CTNNA3: variants seen among roughly 807,000 people sequenced by gnomAD.
The protein encoded by CTNNA3 is catenin alpha 3.
CTNNA3 carries 76 observed loss-of-function variants against 95.7 expected under a neutral mutation model. The observed-to-expected ratio is 0.79, with a 90% CI of 0.66 to 0.96. The LOEUF (loss-of-function observed/expected upper bound fraction) is 0.96. Among genes scored for constraint, CTNNA3 ranks in the 40% least tolerant of loss-of-function variants. The pLI, the probability that CTNNA3 is intolerant of heterozygous loss-of-function variation, is 0.00. For missense variants in CTNNA3, 1,191 were observed against 1,089.8 expected (o/e 1.09, Z -1.31); for synonymous variants, 431 against 374.4 (o/e 1.15, Z -1.74).
intron 6 of CTNNA3, among the ~76,000 whole-genome samples, chr10:67,219,186 T>C (rs938503731): frequency 1.3e-5 from 2 of 152,214 alleles, no homozygotes; most frequent in African/African-American, 4.8e-5. Flanking sequence ...TTCTCTACAG[T>C]GTTTATTGGT....
intron 15 of CTNNA3, among the ~76,000 whole-genome samples, chr10:66,032,838 A>AT (rs1160430760): frequency 6.6e-6 from 1 of 152,160 alleles, no homozygotes; most frequent in African/African-American, 2.4e-5. Flanking sequence ...CATGTATATT[A>AT]TTTTTCTTCA....
At chr10:65,922,896 A>T (rs962608242) in intron 17 of CTNNA3, among the ~76,000 whole-genome samples, 2 of 152,192 alleles carry the variant, frequency 1.3e-5, no homozygotes, top group African/African-American at 4.8e-5. Context: ...TCATGGCAGA[A>T]GGGGAAGCAG....
intron 5 of CTNNA3, among the ~76,000 whole-genome samples, chr10:67,341,193 T>A (rs552289639): frequency 7.9e-5 from 12 of 152,362 alleles, no homozygotes; most frequent in Admixed American, 3.9e-4. Flanking sequence ...TGTGTTACAA[T>A]CAAATTACAC....
At chr10:67,210,953 T>C (rs1296963483) in intron 6 of CTNNA3, among the ~76,000 whole-genome samples, 1 of 152,128 alleles carries the variant, frequency 6.6e-6, no homozygotes, top group Non-Finnish European at 1.5e-5. Context: ...CTAAACATCA[T>C]CAAGGAATCG....
At chr10:66,196,189 A>C (rs1159047122) in intron 13 of CTNNA3, among the ~76,000 whole-genome samples, 1 of 152,224 alleles carries the variant, frequency 6.6e-6, no homozygotes, top group Non-Finnish European at 1.5e-5. Flanking sequence ...GTTTAAGAGA[A>C]TATAAAGCAA....
chr10:67,098,884 T>A (rs1858167312), intron 7 of CTNNA3: 1 of 151,838 alleles, frequency 6.6e-6, no homozygotes, highest in Admixed American at 6.6e-5. Context: ...TAAGACAACT[T>A]TTTATTTAGA....
intron 5 of CTNNA3, among the ~76,000 whole-genome samples, chr10:67,513,332 GAA>G (rs1425791435): frequency 6.6e-6 from 1 of 152,224 alleles, no homozygotes; most frequent in Non-Finnish European, 1.5e-5. Flanking sequence ...GGACTTCACT[GAA>G]AAGTCAATTG....
At chr10:65,949,711 G>A (rs2077578467) in intron 17 of CTNNA3, among the ~76,000 whole-genome samples, 1 of 152,192 alleles carries the variant, frequency 6.6e-6, no homozygotes, top group Non-Finnish European at 1.5e-5. Context: ...AGGAGCCTGA[G>A]CTTTATATCC....
intron 9 of CTNNA3, among the ~76,000 whole-genome samples, chr10:66,755,552 C>T (rs1839330936): frequency 1.3e-5 from 2 of 151,930 alleles, no homozygotes; most frequent in South Asian, 4.1e-4. Context: ...AAATGGAAAA[C>T]AGAACACACA....
intron 7 of CTNNA3, among the ~76,000 whole-genome samples, chr10:66,831,391 C>G (rs1056537228): frequency 2.0e-5 from 3 of 152,146 alleles, no homozygotes; most frequent in African/African-American, 4.8e-5. Flanking sequence ...TTTCCCATCT[C>G]AAGACTTTAC....
chr10:66,105,421 T>C lies in CTNNA3; in HGVS notation c.1885-2172A>G, dbSNP rs1335394957. On this transcript the variant is annotated intron_variant, in intron 13 of 17. Coordinates refer to ENST00000433211, the MANE Select transcript of CTNNA3 (RefSeq NM_013266.4). ...TTCTCTTTCTTGTGCCCTGTTGTTT[T>C]GCAACTGAAGGCTGTCTGGTGTCCC... Among the ~76,000 whole-genome samples, 3 of 152,342 alleles carry C rather than the reference T, an allele frequency of 2.0e-5. No individual in the cohort carries two copies. In the East Asian group the frequency reaches 5.8e-4, roughly 29 times the overall value.
intron 7 of CTNNA3, chr10:67,098,145 T>C (rs533284635): frequency 5.5e-6 from 1 of 181,548 alleles, no homozygotes; most frequent in South Asian, 1.4e-4. Flanking sequence ...ACAACTGGTA[T>C]GTACAGTACC....
intron 6 of CTNNA3, among the ~76,000 whole-genome samples, chr10:67,219,119 C>A (rs1864528728): frequency 1.3e-5 from 2 of 152,188 alleles, no homozygotes; most frequent in Admixed American, 1.3e-4. Flanking sequence ...GATTCCTGAA[C>A]TCTTTCAAGG....
chr10:66,870,138 G>T (rs1242946436), intron 7 of CTNNA3, among the ~76,000 whole-genome samples: 2 of 152,050 alleles, frequency 1.3e-5, no homozygotes, highest in Non-Finnish European at 2.9e-5. Flanking sequence ...TTTCAGCTGA[G>T]AATTTTTTTT....
chr10:67,385,788 G>C (rs886420350), intron 5 of CTNNA3, among the ~76,000 whole-genome samples: 2 of 150,974 alleles, frequency 1.3e-5, no homozygotes, highest in African/African-American at 4.9e-5. Context: ...GGGTTTGGCA[G>C]CCAGTGTGGT....
At chr10:67,420,812 T>TAAA (rs1845721428) in intron 5 of CTNNA3, among the ~76,000 whole-genome samples, 1 of 152,110 alleles carries the variant, frequency 6.6e-6, no homozygotes, top group Non-Finnish European at 1.5e-5. Flanking sequence ...TAAACCAAAT[T>TAAA]GTAAAATAGT....
At chr10:67,369,784 T>G (rs1253664669) in intron 5 of CTNNA3, among the ~76,000 whole-genome samples, 1 of 152,180 alleles carries the variant, frequency 6.6e-6, no homozygotes, top group Non-Finnish European at 1.5e-5. Flanking sequence ...GCCTATCAGC[T>G]TAGAAAAATA....
intron 3 of CTNNA3, among the ~76,000 whole-genome samples, chr10:67,594,140 T>C (rs1217527859): frequency 6.6e-6 from 1 of 152,204 alleles, no homozygotes; most frequent in Admixed American, 6.5e-5. Context: ...TTTGATGTGC[T>C]GCTGGATTCA....
chr10:65,944,341 CATTG>C (rs1589155590), intron 17 of CTNNA3, among the ~76,000 whole-genome samples: 1 of 152,334 alleles, frequency 6.6e-6, no homozygotes, highest in East Asian at 1.9e-4. Context: ...CCATCCATGG[CATTG>C]CACCTGGCAT....
Sources: gnomAD v4.1 joint callset for allele counts (sites outside exome capture counted in the v4.1 genomes callset) on GRCh38, gnomAD v4.1.1 for gene constraint, MANE v1.5 for transcripts, NCBI Gene and HGNC (gene_info 2026-07-23, HGNC 2026-07-21) for gene names.